The following ADGB variants were observed in gnomAD, a reference collection of about 807,000 sequenced individuals.
The protein encoded by ADGB is androglobin, also known as calpain-7-like protein.
Under a neutral mutation model 210.5 loss-of-function variants are expected in ADGB, and 172 were observed. The observed-to-expected ratio is 0.82, with a 90% CI of 0.72 to 0.93. The LOEUF is 0.93. ADGB is among the 40% of genes least tolerant of loss of function. The pLI is 0.00. For synonymous variants in ADGB, 658 were observed against 662.7 expected (o/e 0.99, Z 0.11); for missense variants, 2,025 against 1,964.8 (o/e 1.03, Z -0.58).
At chr6:146,790,285 C>T (rs1401663911) in intron 33 of ADGB, among the ~76,000 whole-genome samples, 1 of 152,190 alleles carries the variant, frequency 6.6e-6, no homozygotes, top group Non-Finnish European at 1.5e-5. Context: ...GAACCTATTC[C>T]TGCTAGCTAA....
At chr6:146,693,283 T>C (rs1049168942) in intron 12 of ADGB, among the ~76,000 whole-genome samples, 2 of 152,074 alleles carry the variant, frequency 1.3e-5, no homozygotes, top group Admixed American at 1.3e-4. Flanking sequence ...TCTGAGAGGA[T>C]TAGTGACCTT....
chr6:146,623,589 A>T (rs1780930224), intron 1 of ADGB, among the ~76,000 whole-genome samples: 1 of 151,910 alleles, frequency 6.6e-6, no homozygotes. Context: ...GAAAGTTTTA[A>T]TACATGCCAA....
intron 35 of ADGB, among the ~76,000 whole-genome samples, chr6:146,804,072 G>A (rs1453427352): frequency 1.3e-5 from 2 of 152,122 alleles, no homozygotes; most frequent in Non-Finnish European, 2.9e-5. Flanking sequence ...ATTGTCATCC[G>A]TTCACCCCAG....
At chr6:146,758,605 G>C (rs1777443282) in intron 27 of ADGB, among the ~76,000 whole-genome samples, 1 of 151,964 alleles carries the variant, frequency 6.6e-6, no homozygotes, top group Non-Finnish European at 1.5e-5. Context: ...CTGGGTCAGA[G>C]ATCAGAAATT....
chr6:146,739,494 C>T (rs1314425678), intron 23 of ADGB, among the ~76,000 whole-genome samples: 2 of 152,104 alleles, frequency 1.3e-5, no homozygotes, highest in Admixed American at 6.6e-5. Context: ...TTTTAAAAGG[C>T]CTTTCAAACC....
rs775290081 is a variant in ADGB, at chr6:146,691,293, A to G, written c.1486+3A>G. 7.2e-6 allele frequency: 11 copies of G among 1,535,408 alleles called. No individual in the cohort carries two copies. The South Asian group carries it at 1.3e-4, about 19-fold the overall frequency. Reference sequence around the variant, plus strand: ...TGTTATAACAGATGAAGCTCAAGGTATGTATCACATCATCTTCAAATCCTT... The same window carrying G: ...TGTTATAACAGATGAAGCTCAAGGTGTGTATCACATCATCTTCAAATCCTT... On this transcript the variant is annotated splice_donor_region_variant and intron_variant, in intron 11 of 35. Transcript: ENST00000397944.
chr6:146,672,133 T>G, intron 7 of ADGB, 87 bp from the exon 8 acceptor site: 2 of 1,401,428 alleles, frequency 1.4e-6, no homozygotes, highest in Non-Finnish European at 1.9e-6. Context: ...AAATAGCAAG[T>G]TGATTTTTCT....
intron 1 of ADGB, among the ~76,000 whole-genome samples, chr6:146,617,465 C>T (rs866072679): frequency 6.6e-6 from 1 of 152,042 alleles, no homozygotes; most frequent in African/African-American, 2.4e-5. Context: ...CTAGGACTTC[C>T]CATACAATGT....
Position 146,599,089 on chromosome 6 carries a change from G to A in ADGB, c.49G>A (p.Ala17Thr). The A allele has an allele frequency of 6.4e-7, 1 of 1,551,732 alleles. No individual in the cohort carries two copies. Among genetic ancestry groups the A allele is most frequent in the Non-Finnish European group, 8.7e-7 (1 of 1,147,000 alleles). ...KKKEVHRINS[A>T]HGSDKSKDFY... ...GAAAGAGGTGCATCGTATCAACTCGGCGCACGGATCGGATAAATCGAAAGA... is the reference window on the plus strand; with the variant it reads ...GAAAGAGGTGCATCGTATCAACTCGACGCACGGATCGGATAAATCGAAAGA... Residue 17 changes from alanine to threonine, a missense_variant, in exon 1 of 36, where the codon GCG becomes ACG. Ala to Thr is a moderately conservative substitution (Grantham distance 58). Transcript: ENST00000397944.
chr6:146,736,966 G>A (rs1470377891), intron 23 of ADGB, among the ~76,000 whole-genome samples: 1 of 151,930 alleles, frequency 6.6e-6, no homozygotes, highest in Non-Finnish European at 1.5e-5. Context: ...GGCAGAGGTA[G>A]ATCGAACCTT....
At chr6:146,789,403 T>G (rs1308830459) in intron 33 of ADGB, among the ~76,000 whole-genome samples, 1 of 152,192 alleles carries the variant, frequency 6.6e-6, no homozygotes, top group African/African-American at 2.4e-5. Flanking sequence ...TTCTACTTGT[T>G]TTGAACCCAG....
At chr6:146,679,945 G>A (rs1056144319) in intron 9 of ADGB, among the ~76,000 whole-genome samples, 1 of 152,124 alleles carries the variant, frequency 6.6e-6, no homozygotes, top group Non-Finnish European at 1.5e-5. Context: ...GTTAGAATTT[G>A]TGTAGTACTC....
chr6:146,794,018 G>T (rs1386120136), intron 33 of ADGB, among the ~76,000 whole-genome samples: 2 of 152,080 alleles, frequency 1.3e-5, no homozygotes, highest in African/African-American at 4.8e-5. Flanking sequence ...AGATAAACTG[G>T]CTATTCCGGT....
At position 146,618,854 on chromosome 6, in the gene ADGB, C is replaced by T. The variant is rs59188092; in HGVS notation, c.75-16521C>T. Among the ~76,000 whole-genome samples the T allele has an allele frequency of 4.9e-3, 736 of 151,684 alleles. 13 individuals are homozygous for T. The East Asian group carries it at 0.062, about 13-fold the overall frequency. On this transcript the variant is annotated intron_variant, in intron 1 of 35. Transcript: ENST00000397944. ...GAGGGATGAAATGTTATGTAAATGT[C>T]TGTTAGGGCTCTTTCATCTGGAGTG...
intron 11 of ADGB, among the ~76,000 whole-genome samples, chr6:146,692,190 C>G (rs1220856194): frequency 6.6e-6 from 1 of 152,022 alleles, no homozygotes; most frequent in African/African-American, 2.4e-5. Flanking sequence ...TTTAGGTATT[C>G]CATGTCCTAG....
chr6:146,754,395 T>A (rs1777379481), intron 27 of ADGB, among the ~76,000 whole-genome samples: 1 of 151,780 alleles, frequency 6.6e-6, no homozygotes. Flanking sequence ...TTTATATTTA[T>A]CTTTTAAAAC....
chr6:146,677,376 T>C (rs1776099543), intron 9 of ADGB, among the ~76,000 whole-genome samples: 1 of 152,164 alleles, frequency 6.6e-6, no homozygotes, highest in African/African-American at 2.4e-5. Context: ...CATCTAGTAG[T>C]GTGCCTTATT....
intron 2 of ADGB, among the ~76,000 whole-genome samples, chr6:146,638,119 A>G (rs2114861723): frequency 6.6e-6 from 1 of 152,198 alleles, no homozygotes; most frequent in Non-Finnish European, 1.5e-5. Flanking sequence ...TCACATAAAC[A>G]CAACTAAAGA....
At chr6:146,622,086 G>A (rs574257882) in intron 1 of ADGB, among the ~76,000 whole-genome samples, 1 of 152,106 alleles carries the variant, frequency 6.6e-6, no homozygotes, top group Admixed American at 6.6e-5. Flanking sequence ...CTTGGTAATA[G>A]GTATACAACA....
Sources: gnomAD v4.1 joint callset for allele counts (sites outside exome capture counted in the v4.1 genomes callset) on GRCh38, gnomAD v4.1.1 for gene constraint, MANE v1.5 for transcripts, NCBI Gene and HGNC (gene_info 2026-07-23, HGNC 2026-07-21) for gene names.